The following CUBN variants were observed in gnomAD, a reference collection of about 807,000 sequenced individuals.
The protein encoded by CUBN is 460 kDa receptor.
Under a neutral mutation model 405.3 loss-of-function variants are expected in CUBN, and 282 were observed. The ratio of observed to expected loss-of-function variants is 0.70; its 90% confidence interval spans 0.63 to 0.77. The LOEUF is 0.77. CUBN is among the 30% of genes least tolerant of loss of function. The pLI is 0.00. For missense variants in CUBN, 4,514 were observed against 4,475.2 expected (o/e 1.01, Z -0.25); for synonymous variants, 1,684 against 1,617.0 (o/e 1.04, Z -0.99).
In CUBN at chr10:16,961,027, A is replaced by G. The variant is rs111867249; in HGVS notation, c.4696-6479T>C. On this transcript the variant is annotated intron_variant, in intron 31 of 66. Coordinates refer to ENST00000377833, the MANE Select transcript of CUBN (RefSeq NM_001081.4). ...CCCCTCCACATCCTCAGCTCTAGCC[A>G]GAAGTGAGAACTAAGCCAAACATTT... 6.2e-3 allele frequency among the ~76,000 whole-genome samples: 940 copies of G among 152,338 alleles called. 16 individuals are homozygous for G. The highest frequency in any genetic ancestry group is 0.022 in the African/African-American group (897 of 41,578).
chr10:16,996,123 G>T (rs1429147889), intron 28 of CUBN, among the ~76,000 whole-genome samples: 1 of 151,356 alleles, frequency 6.6e-6, no homozygotes, highest in Non-Finnish European at 1.5e-5. Context: ...CCTCATTACT[G>T]TCCTGTCCCT....
chr10:16,896,048 C>A (rs2131410939), intron 54 of CUBN, among the ~76,000 whole-genome samples: 1 of 152,236 alleles, frequency 6.6e-6, no homozygotes, highest in African/African-American at 2.4e-5. Context: ...CTGTGTGTGA[C>A]AATGTGCCTA....
chr10:17,009,890 A>G (rs150933601), intron 28 of CUBN, among the ~76,000 whole-genome samples: 11 of 152,226 alleles, frequency 7.2e-5, no homozygotes, highest in African/African-American at 2.7e-4. Flanking sequence ...ACTGTCATTA[A>G]AACAAACAGT....
chr10:16,952,981 C>G (rs1842958639), intron 32 of CUBN, among the ~76,000 whole-genome samples: 1 of 152,174 alleles, frequency 6.6e-6, no homozygotes, highest in Admixed American at 6.5e-5. Flanking sequence ...AGAGGCTCAG[C>G]TGGAGCATGG....
intron 59 of CUBN, among the ~76,000 whole-genome samples, chr10:16,869,212 C>A (rs1385444883): frequency 6.8e-6 from 1 of 147,138 alleles, no homozygotes; most frequent in Non-Finnish European, 1.5e-5. Context: ...GTCACCCAGG[C>A]TAGAGTGCAA....
intron 64 of CUBN, among the ~76,000 whole-genome samples, chr10:16,833,915 CA>C (rs1839088388): frequency 6.6e-6 from 1 of 152,124 alleles, no homozygotes; most frequent in Admixed American, 6.5e-5. Context: ...AACTCCAGAT[CA>C]GGGGTAGAGG....
intron 21 of CUBN, among the ~76,000 whole-genome samples, chr10:17,066,991 T>A (rs985102037): frequency 6.6e-6 from 1 of 152,194 alleles, no homozygotes; most frequent in Middle Eastern, 3.4e-3. Flanking sequence ...AAGGCAAAAC[T>A]GAAATGGATC....
At chr10:16,984,656 AT>A (rs1364451052) in intron 29 of CUBN, among the ~76,000 whole-genome samples, 3 of 152,136 alleles carry the variant, frequency 2.0e-5, no homozygotes, top group African/African-American at 7.2e-5. Context: ...GATTTTCTGA[AT>A]TTTAGGGGGA....
Position 16,874,406 on chromosome 10 carries a change from G to A in CUBN, c.9204C>T (p.Ile3068=), listed in dbSNP as rs117755237. 1,192 of 1,614,132 alleles carry A rather than the reference G, an allele frequency of 7.4e-4. 7 individuals carry two copies. In the East Asian group the frequency reaches 0.017, roughly 23 times the overall value. Residue 3068 remains isoleucine (I), a synonymous_variant, in exon 58 of 67, where the codon ATC becomes ATT. Coordinates refer to ENST00000377833, the MANE Select transcript of CUBN (RefSeq NM_001081.4). The part of the protein sequence containing the change: ...YPNDMHCLYT[I]TVSDDKVIEL... ...CGATCACCTTGTCGTCACTAACGGT[G>A]ATGGTATACAGACAGTGCATATCAT...
chr10:17,111,441 G>A (rs527547745), intron 8 of CUBN, among the ~76,000 whole-genome samples: 6 of 152,256 alleles, frequency 3.9e-5, no homozygotes, highest in South Asian at 2.1e-4. Flanking sequence ...AAGTAGGTAA[G>A]AGGATGTCTA....
chr10:16,996,610 C>T (rs190345262), intron 28 of CUBN, among the ~76,000 whole-genome samples: 12 of 120,644 alleles, frequency 9.9e-5, no homozygotes, highest in African/African-American at 2.8e-4. Context: ...TCTTTAAGTT[C>T]GTATCTGTGT....
At chr10:17,047,961 C>T (rs1374063020) in intron 22 of CUBN, among the ~76,000 whole-genome samples, 2 of 152,222 alleles carry the variant, frequency 1.3e-5, no homozygotes, top group Non-Finnish European at 2.9e-5. Context: ...TTTTCATAAG[C>T]TCCCTTTAAA....
At chr10:17,037,787 C>T (rs1416362399) in intron 27 of CUBN, among the ~76,000 whole-genome samples, 1 of 152,180 alleles carries the variant, frequency 6.6e-6, no homozygotes, top group Admixed American at 6.5e-5. Context: ...CTTCAGTCTA[C>T]ACTCACTCTC....
At position 16,835,194 on chromosome 10, in the gene CUBN, A is replaced by G. The variant is rs745539078; in HGVS notation, c.10182T>C (p.Asp3394=). The G allele has an allele frequency of 3.7e-6, 6 of 1,612,990 alleles. No homozygotes were observed. The South Asian group carries it at 4.4e-5, about 12-fold the overall frequency. The change falls in exon 64 of 67, where the codon GAT becomes GAC. Residue 3394 remains aspartate (D), a splice_region_variant and synonymous_variant. Transcript: ENST00000377833. The part of the protein sequence containing the change: ...SRMSFTYQIA[D]CNRDYHKAFG... ...ATGCCTTGTGATAGTCTCTGTTGCA[A>G]TCTTAGAGGAAAAATAGGCATAATT...
At position 17,065,589 on chromosome 10, in the gene CUBN, A is replaced by G. The variant is rs1027148504; in HGVS notation, c.3058T>C (p.Leu1020=). ...PPSLTSSGNS[L]MLVFVTDSDL... is the part of the protein sequence containing the mutation. ...GAGTCAGTCACAAACACCAGCATCA[A>G]TGAGTTACCACTGCTTGTGAGAGAT... is the stretch of plus-strand genomic sequence containing the variant. Residue 1020 remains leucine, a synonymous_variant, in exon 22 of 67, where the codon TTG becomes CTG. Coordinates refer to ENST00000377833, the MANE Select transcript of CUBN (RefSeq NM_001081.4). 2.5e-6 allele frequency: 4 copies of G among 1,613,544 alleles called. No homozygotes were observed. Among genetic ancestry groups the G allele is most frequent in the East Asian group, 2.2e-5 (1 of 44,882 alleles).
rs115224958 is a variant in CUBN at position 16,832,561 on chromosome 10, A to G, written c.10363-1144T>C. On this transcript the variant is annotated intron_variant, in intron 64 of 66. Transcript: ENST00000377833. ...TGGGAGGGCTGCCATAGCCAGCACC[A>G]CGCTTTTGAGTTTGGGCGTTTTTCC... 4.6e-3 allele frequency among the ~76,000 whole-genome samples: 706 copies of G among 152,286 alleles called. 7 individuals carry two copies. Among genetic ancestry groups the G allele is most frequent in the African/African-American group, 0.016 (664 of 41,566 alleles).
At chr10:16,873,280 T>C (rs927430441) in intron 58 of CUBN, among the ~76,000 whole-genome samples, 3 of 151,922 alleles carry the variant, frequency 2.0e-5, no homozygotes, top group Non-Finnish European at 2.9e-5. Context: ...TTCTGGAGAG[T>C]GGGAGGTTGC....
Position 16,851,334 on chromosome 10 carries a change from G to A in CUBN, c.9564C>T (p.Ile3188=), listed in dbSNP as rs375415600. ...MYDKNLNCVW[I]IIAPVNKVIH... is the part of the protein sequence containing the mutation. ...TTACTTTGTTTACAGGTGCAATTAT[G>A]ATCCATACACAGTTTAAATTCTTGT... The change falls in exon 60 of 67, where the codon ATC becomes ATT. Residue 3188 remains isoleucine, a synonymous_variant. Transcript: ENST00000377833. The A allele has an allele frequency of 8.1e-6, 13 of 1,613,950 alleles. No homozygotes were observed. The highest frequency in any genetic ancestry group is 1.1e-5 in the Non-Finnish European group (13 of 1,179,974).
intron 31 of CUBN, among the ~76,000 whole-genome samples, chr10:16,979,100 A>G (rs1339219056): frequency 2.0e-5 from 3 of 152,182 alleles, no homozygotes; most frequent in East Asian, 3.8e-4. Flanking sequence ...CAATTGCTAC[A>G]AAGAGAATAA....
Sources: gnomAD v4.1 joint callset for allele counts (sites outside exome capture counted in the v4.1 genomes callset) on GRCh38, gnomAD v4.1.1 for gene constraint, MANE v1.5 for transcripts, NCBI Gene and HGNC (gene_info 2026-07-23, HGNC 2026-07-21) for gene names.